Variants in ATP8B1 observed in about 807,000 individuals in gnomAD.
The protein encoded by ATP8B1 is ATPase phospholipid transporting 8B1.
Under a neutral mutation model 149.9 loss-of-function variants are expected in ATP8B1, and 80 were observed. That is an observed-to-expected ratio of 0.53 (90% confidence interval 0.45 to 0.64). The LOEUF is 0.64. Ranked by LOEUF, ATP8B1 falls within the 30% of genes least tolerant of loss-of-function variation. The probability of loss-of-function intolerance (pLI) is 0.00; values close to 1 mark genes in which losing one functional copy is unlikely to be tolerated. For missense variants in ATP8B1, 1,247 were observed against 1,552.6 expected (o/e 0.80, Z 3.31); for synonymous variants, 536 against 562.8 (o/e 0.95, Z 0.67).
intron 2 of ATP8B1, among the ~76,000 whole-genome samples, chr18:57,720,049 G>T (rs1209756645): frequency 6.6e-6 from 1 of 151,552 alleles, no homozygotes; most frequent in East Asian, 2.0e-4. Context: ...TCTGTTAGAA[G>T]GAAAACTAAC....
At chr18:57,760,236 A>T (rs8085691) in intron 1 of ATP8B1, among the ~76,000 whole-genome samples, 282 of 152,366 alleles carry the variant, frequency 1.9e-3, no homozygotes, top group African/African-American at 6.6e-3. Context: ...AGATGAATTC[A>T]GTACAATAAT....
intron 24 of ATP8B1, among the ~76,000 whole-genome samples, chr18:57,653,282 C>CTTTTTTTTTTT (rs199543849): frequency 2.1e-3 from 242 of 114,232 alleles, no homozygotes; most frequent in Middle Eastern, 5.1e-3. Flanking sequence ...CTTTTCTTTT[C>CTTTTTTTTTTT]TTTTTTTTTT....
At chr18:57,749,216 G>A (rs777989993) in intron 1 of ATP8B1, among the ~76,000 whole-genome samples, 2 of 152,190 alleles carry the variant, frequency 1.3e-5, no homozygotes, top group Non-Finnish European at 2.9e-5. Flanking sequence ...ATGGTGATGA[G>A]GGCTTGGGTT....
intron 1 of ATP8B1, among the ~76,000 whole-genome samples, chr18:57,792,861 G>A (rs2080477401): frequency 6.6e-6 from 1 of 152,150 alleles, no homozygotes; most frequent in South Asian, 2.1e-4. Context: ...AACAGGATAG[G>A]GAGGGGGACT....
intron 1 of ATP8B1, among the ~76,000 whole-genome samples, chr18:57,767,725 G>A (rs2080225613): frequency 6.6e-6 from 1 of 151,826 alleles, no homozygotes; most frequent in Non-Finnish European, 1.5e-5. Flanking sequence ...GGAGGCAGAG[G>A]TTGCAGTGAG....
Position 57,650,517 on chromosome 18 carries a change from T to C in ATP8B1, c.3401-20A>G. Reference sequence around the variant, plus strand: ...CTGTGCCTGTAAAGAACATGGCAAATGCATCACTGTGGTTCTTTTTTCCTA... The same window carrying C: ...CTGTGCCTGTAAAGAACATGGCAAACGCATCACTGTGGTTCTTTTTTCCTA... On this transcript the variant is annotated intron_variant, in intron 26 of 27. Transcript: ENST00000648908. 1.2e-6 allele frequency: 2 copies of C among 1,610,726 alleles called. No homozygotes were observed. The highest frequency in any genetic ancestry group is 1.7e-6 in the Non-Finnish European group (2 of 1,177,816).
At chr18:57,769,283 C>T (rs1170105810) in intron 1 of ATP8B1, among the ~76,000 whole-genome samples, 3 of 152,162 alleles carry the variant, frequency 2.0e-5, no homozygotes, top group Non-Finnish European at 4.4e-5. Flanking sequence ...CGTATTTCCT[C>T]CTGGGCCTGC....
intron 2 of ATP8B1, among the ~76,000 whole-genome samples, chr18:57,709,771 C>T (rs1913598581): frequency 6.6e-6 from 1 of 151,800 alleles, no homozygotes; most frequent in Admixed American, 6.6e-5. Flanking sequence ...CCTCTGCCTC[C>T]CAGGTTCAAG....
intron 1 of ATP8B1, among the ~76,000 whole-genome samples, chr18:57,750,880 A>AGC (rs1309948400): frequency 1.3e-5 from 2 of 151,700 alleles, no homozygotes; most frequent in African/African-American, 4.9e-5. Flanking sequence ...ACACTTTGGG[A>AGC]GGCCAAGGCG....
At chr18:57,728,041 T>A (rs1331680018) in intron 2 of ATP8B1, among the ~76,000 whole-genome samples, 1 of 152,136 alleles carries the variant, frequency 6.6e-6, no homozygotes, top group Admixed American at 6.5e-5. Context: ...TCCTTCCTTC[T>A]CACAAAACAC....
At chr18:57,713,733 ACC>A in intron 2 of ATP8B1, among the ~76,000 whole-genome samples, 4 of 62,172 alleles carry the variant, frequency 6.4e-5, no homozygotes, top group South Asian at 5.8e-4. Context: ...CAAGTGTTCC[ACC>A]CACCTTGACC....
At chr18:57,679,589 C>T (rs1402735190) in intron 15 of ATP8B1, among the ~76,000 whole-genome samples, 1 of 152,190 alleles carries the variant, frequency 6.6e-6, no homozygotes, top group Non-Finnish European at 1.5e-5. Flanking sequence ...CAACCTGATT[C>T]CCTAGCTTCA....
At chr18:57,662,758 A>G in intron 20 of ATP8B1, 143 bp from the exon 21 acceptor site, 1 of 978,906 alleles carries the variant, frequency 1.0e-6, no homozygotes, top group Non-Finnish European at 1.5e-6. Flanking sequence ...TTTTATTTTC[A>G]TTATAATTTT....
intron 1 of ATP8B1, among the ~76,000 whole-genome samples, chr18:57,793,903 G>A (rs1346313708): frequency 6.6e-6 from 1 of 152,162 alleles, no homozygotes; most frequent in African/African-American, 2.4e-5. Flanking sequence ...CACAGCCTAA[G>A]GTTCTCAAAT....
At chr18:57,766,496 A>G (rs1023969933) in intron 1 of ATP8B1, among the ~76,000 whole-genome samples, 2 of 152,182 alleles carry the variant, frequency 1.3e-5, no homozygotes, top group African/African-American at 4.8e-5. Context: ...AAAGCTAGGG[A>G]CAGTGGGAAA....
intron 2 of ATP8B1, among the ~76,000 whole-genome samples, chr18:57,718,086 C>A (rs1190297374): frequency 3.4e-5 from 4 of 116,576 alleles, no homozygotes; most frequent in African/African-American, 1.3e-4. Flanking sequence ...AATTGACAAA[C>A]CTTTAGCTGG....
At position 57,699,976 on chromosome 18, in the gene ATP8B1, G is replaced by A. The variant is rs1323917310; in HGVS notation, c.554+1063C>T. ...CCATGGCCTGAGCAGCCCCTGCAGT[G>A]GGGTCACACCTATAGGAACTTGAGC... On this transcript the variant is annotated intron_variant, in intron 6 of 27. Coordinates refer to ENST00000648908, the MANE Select transcript of ATP8B1 (RefSeq NM_001374385.1). 3.3e-5 allele frequency among the ~76,000 whole-genome samples: 5 copies of A among 152,168 alleles called. No individual in the cohort carries two copies. In the East Asian group the frequency reaches 5.8e-4, roughly 18 times the overall value.
In ATP8B1 at chr18:57,802,278, G is replaced by T. The variant is rs1442071428; in HGVS notation, c.-26+720C>A. ...CTCGTGCACACAGCGAGGTGACAGC[G>T]CAGGGCACCAAACTGCTGAGGGAAG... is the stretch of plus-strand genomic sequence containing the variant. On this transcript the variant is annotated intron_variant, in intron 1 of 27. Coordinates refer to ENST00000648908, the MANE Select transcript of ATP8B1 (RefSeq NM_001374385.1). The surrounding 1 kb of genome is among the most constrained non-coding windows in gnomAD (Gnocchi z 4.9). Among the ~76,000 whole-genome samples the T allele has an allele frequency of 1.3e-5, 2 of 152,170 alleles. No individual in the cohort carries two copies. The highest frequency in any genetic ancestry group is 2.1e-4 in the South Asian group (1 of 4,830).
At chr18:57,781,190 C>T (rs893250190) in intron 1 of ATP8B1, among the ~76,000 whole-genome samples, 1 of 152,248 alleles carries the variant, frequency 6.6e-6, no homozygotes, top group Non-Finnish European at 1.5e-5. Flanking sequence ...ACAGGAACTT[C>T]TACTTCTTCA....
Sources: allele counts gnomAD v4.1 joint callset (sites outside exome capture counted in the v4.1 genomes callset), GRCh38; gene constraint gnomAD v4.1.1; non-coding constraint Gnocchi (gnomAD v3.1); transcripts MANE v1.5; gene names NCBI Gene and HGNC (gene_info 2026-07-23, HGNC 2026-07-21).